SVEP1: variants seen among roughly 807,000 people sequenced by gnomAD.
SVEP1 encodes sushi, von Willebrand factor type A, EGF and pentraxin domain-containing protein 1.
In SVEP1, 164 loss-of-function variants were observed where a neutral mutation model predicts 367.3. That is an observed-to-expected ratio of 0.45 (90% confidence interval 0.39 to 0.51). The LOEUF (loss-of-function observed/expected upper bound fraction) is 0.51. SVEP1 is among the 20% of genes least tolerant of loss of function. SVEP1 has a pLI of 0.00. For synonymous variants in SVEP1, 1,666 were observed against 1,611.6 expected (o/e 1.03, Z -0.81); for missense variants, 4,117 against 4,425.3 (o/e 0.93, Z 1.98).
chr9:110,404,537 A>T lies in SVEP1; in HGVS notation c.9456T>A (p.Tyr3152Ter). 1 of 1,614,008 alleles carries T rather than the reference A, an allele frequency of 6.2e-7. No homozygotes were observed. Among genetic ancestry groups the T allele is most frequent in the Non-Finnish European group, 8.5e-7 (1 of 1,179,880 alleles). The change falls in exon 39 of 48, where the codon TAT (tyrosine) becomes TAA (stop). Residue 3152 changes from tyrosine (Y) to a stop codon, truncating the protein, a stop_gained. Coordinates refer to ENST00000374469, the MANE Select transcript of SVEP1 (RefSeq NM_153366.4). LOFTEE classifies it high-confidence loss of function. The stretch of plus-strand genomic sequence containing the variant: ...ATGTATCTGTATCTGTATCCATCGT[A>T]TAACCTTCCAGACATCTGCAATGGA... The part of the protein sequence containing the change: ...SEVKLRCLEG[Y>*]TMDTDTDTFT...
intron 8 of SVEP1, 136 bp downstream of exon 8, chr9:110,496,679 A>G: frequency 1.8e-6 from 1 of 564,278 alleles, no homozygotes; most frequent in South Asian, 2.4e-5. Context: ...ATATACATCT[A>G]TCCTATTAGT....
intron 1 of SVEP1, among the ~76,000 whole-genome samples, chr9:110,550,920 A>C (rs1379853468): frequency 1.3e-5 from 2 of 152,228 alleles, no homozygotes; most frequent in East Asian, 3.8e-4. Context: ...CAGACTATAA[A>C]GGCACAAGAA....
At chr9:110,569,023 G>C (rs927505780) in intron 1 of SVEP1, among the ~76,000 whole-genome samples, 7 of 152,090 alleles carry the variant, frequency 4.6e-5, no homozygotes, top group African/African-American at 1.7e-4. Context: ...ACCCCAAGAG[G>C]TTGAGGCTGC....
At chr9:110,448,574 T>C (rs1241282549) in intron 24 of SVEP1, among the ~76,000 whole-genome samples, 1 of 152,226 alleles carries the variant, frequency 6.6e-6, no homozygotes, top group Non-Finnish European at 1.5e-5. Context: ...CTGTGTTTGG[T>C]GTCATTACAA....
chr9:110,386,011 T>C lies in SVEP1; in HGVS notation c.10124A>G (p.Tyr3375Cys), dbSNP rs778752618. Residue 3375 changes from tyrosine (Y) to cysteine (C), a missense_variant, in exon 43 of 48, where the codon TAT becomes TGT. Tyr to Cys is a radical substitution (Grantham distance 194). Transcript: ENST00000374469. ...ENALLSEKEFYVDQNVSIKCR... is the reference protein window; with the variant it reads ...ENALLSEKEFCVDQNVSIKCR... ...TTTGATGGACACATTCTGATCAACA[T>C]AAAACTCCTTTTCAGACAGCAGAGC... is the stretch of plus-strand genomic sequence containing the variant. The C allele has an allele frequency of 1.2e-6, 2 of 1,613,898 alleles. No homozygotes were observed. Among genetic ancestry groups the C allele is most frequent in the Non-Finnish European group, 1.7e-6 (2 of 1,179,832 alleles).
intron 40 of SVEP1, among the ~76,000 whole-genome samples, chr9:110,393,828 C>G (rs1350267798): frequency 6.6e-6 from 1 of 152,148 alleles, no homozygotes; most frequent in Non-Finnish European, 1.5e-5. Context: ...CCACCATTGC[C>G]GAGACTTGAT....
intron 1 of SVEP1, among the ~76,000 whole-genome samples, chr9:110,565,698 A>T (rs1011844258): frequency 6.6e-6 from 1 of 152,014 alleles, no homozygotes; most frequent in African/African-American, 2.4e-5. Context: ...ACAATCTCCA[A>T]ACATCCCCTT....
At chr9:110,405,464 A>G (rs940904470) in intron 38 of SVEP1, among the ~76,000 whole-genome samples, 2 of 151,690 alleles carry the variant, frequency 1.3e-5, no homozygotes, top group Non-Finnish European at 2.9e-5. Context: ...TACTAGTAGG[A>G]ATACAGCATA....
chr9:110,536,434 G>C (rs1054500256), intron 3 of SVEP1, among the ~76,000 whole-genome samples: 6 of 151,924 alleles, frequency 3.9e-5, no homozygotes, highest in African/African-American at 1.2e-4. Flanking sequence ...AGTGGCATGT[G>C]AATGTCACAT....
intron 3 of SVEP1, among the ~76,000 whole-genome samples, chr9:110,535,928 C>A (rs1171651585): frequency 6.6e-6 from 1 of 152,006 alleles, no homozygotes; most frequent in Admixed American, 6.6e-5. Context: ...AGTTTGACTT[C>A]CTCTCTTCCT....
chr9:110,366,208 A>G lies in SVEP1; in HGVS notation c.*331T>C, dbSNP rs898960825. The G allele has an allele frequency of 4.2e-6, 1 of 236,320 alleles. No individual in the cohort carries two copies. Among genetic ancestry groups the G allele is most frequent in the Non-Finnish European group, 8.1e-6 (1 of 124,136 alleles). The allele number at this position is 236,320 out of a possible 1,614,324, so 14.6% of individuals were successfully genotyped here. On this transcript the variant is annotated 3_prime_UTR_variant, in exon 48 of 48. Coordinates refer to ENST00000374469, the MANE Select transcript of SVEP1 (RefSeq NM_153366.4). The stretch of plus-strand genomic sequence containing the variant: ...GTAGCAAAATATACTTTAATGGAAA[A>G]ATCATTTTAAGTAACTGAATAAAAA...
rs542617695 is a variant in SVEP1, at chr9:110,571,401, G to A, written c.531+7612C>T. Among the ~76,000 whole-genome samples, 3 of 152,302 alleles carry A rather than the reference G, an allele frequency of 2.0e-5. No homozygotes were observed. In the South Asian group the frequency reaches 6.2e-4, roughly 32 times the overall value. ...GTGGACTGCCACAGAGTCTCCTTAA[G>A]AGCGTGACTGTCTCTGTCCTTTTCT... On this transcript the variant is annotated intron_variant, in intron 1 of 47. Coordinates refer to ENST00000374469, the MANE Select transcript of SVEP1 (RefSeq NM_153366.4).
chr9:110,425,551 A>T (rs988988531), intron 36 of SVEP1, among the ~76,000 whole-genome samples: 2 of 152,216 alleles, frequency 1.3e-5, no homozygotes, highest in African/African-American at 4.8e-5. Flanking sequence ...TCTTCTGCCA[A>T]ACTCCATCTT....
At chr9:110,472,021 T>C in intron 15 of SVEP1, 138 bp downstream of exon 15, 1 of 901,918 alleles carries the variant, frequency 1.1e-6, no homozygotes, top group Admixed American at 2.8e-5. Context: ...TGACAAGGCT[T>C]AGTTAACTGT....
chr9:110,517,825 G>A (rs900440449), intron 3 of SVEP1, among the ~76,000 whole-genome samples: 1 of 139,450 alleles, frequency 7.2e-6, no homozygotes, highest in Non-Finnish European at 1.6e-5. Flanking sequence ...TTTCAAGAAC[G>A]AGAAAAAAAG....
At chr9:110,404,617 G>T in intron 38 of SVEP1, 65 bp from the exon 39 acceptor site, 1 of 1,462,000 alleles carries the variant, frequency 6.8e-7, no homozygotes, top group Non-Finnish European at 9.6e-7. Context: ...ATCTATCCTT[G>T]GATTTAGGAA....
At position 110,481,370 on chromosome 9, in the gene SVEP1, C is replaced by T. The variant is rs750305339; in HGVS notation, c.2237G>A (p.Gly746Glu). 52 of 1,610,194 alleles carry T rather than the reference C, an allele frequency of 3.2e-5. 1 individual carries two copies. The Admixed American group carries it at 8.7e-4, about 27-fold the overall frequency. The change falls in exon 12 of 48, where the codon GGA (glycine) becomes GAA (glutamate). Residue 746 changes from glycine (G) to glutamate (E), a missense_variant. Physicochemically the swap from Gly to Glu is moderately conservative, Grantham distance 98. Transcript: ENST00000374469. ...CAAGCAAGTTAATGTACAGTTGACT[C>T]CAGTATTATCTGGAGTGCATATAAA... ...GDFICTPDNT[G>E]VNCTLTCLEG... is the part of the protein sequence containing the mutation.
chr9:110,379,261 T>C (rs1345148775), intron 44 of SVEP1, 86 bp downstream of exon 44: 3 of 1,388,404 alleles, frequency 2.2e-6, no homozygotes, highest in East Asian at 2.3e-5. Flanking sequence ...TAAAGTAGTA[T>C]GCATATTAAT....
At chr9:110,384,488 G>A (rs113061274) in intron 43 of SVEP1, among the ~76,000 whole-genome samples, 8,299 of 151,794 alleles carry the variant, frequency 0.055, 355 homozygotes, top group African/African-American at 0.12. Context: ...ACCCCTCCCC[G>A]CAAAATAAAC....
Sources: allele counts gnomAD v4.1 joint callset (sites outside exome capture counted in the v4.1 genomes callset), GRCh38; gene constraint gnomAD v4.1.1; transcripts MANE v1.5; gene names NCBI Gene and HGNC (gene_info 2026-07-23, HGNC 2026-07-21).